Variants in LRRC4C observed in about 807,000 individuals in gnomAD.
The protein encoded by LRRC4C is leucine rich repeat containing 4C.
Under a neutral mutation model 33.6 loss-of-function variants are expected in LRRC4C, and 5 were observed. That is an observed-to-expected ratio of 0.15 (90% CI 0.08 to 0.31). LRRC4C has a LOEUF of 0.31. Ranked by LOEUF, LRRC4C falls within the 10% of genes least tolerant of loss-of-function variation. The pLI is 1.00. For missense variants in LRRC4C, 560 were observed against 796.7 expected (o/e 0.70, Z 3.58); for synonymous variants, 329 against 302.0 (o/e 1.09, Z -0.93).
chr11:40,984,178 G>C (rs1565270010), intron 1 of LRRC4C, among the ~76,000 whole-genome samples: 1 of 140,508 alleles, frequency 7.1e-6, no homozygotes, highest in African/African-American at 2.6e-5. Context: ...AAGAAAGGAA[G>C]GAAAGGAAGG....
At chr11:40,508,423 T>A (rs1427457250) in intron 3 of LRRC4C, among the ~76,000 whole-genome samples, 1 of 152,110 alleles carries the variant, frequency 6.6e-6, no homozygotes, top group Non-Finnish European at 1.5e-5. Context: ...GCATTTATAA[T>A]GTAGTACAGT....
chr11:40,275,606 T>C (rs1943046148), intron 4 of LRRC4C, among the ~76,000 whole-genome samples: 1 of 152,074 alleles, frequency 6.6e-6, no homozygotes, highest in Admixed American at 6.6e-5. Context: ...TAAAGAGACA[T>C]CATAGGAAAC....
At chr11:40,168,585 C>G (rs1859791812) in intron 5 of LRRC4C, among the ~76,000 whole-genome samples, 1 of 152,172 alleles carries the variant, frequency 6.6e-6, no homozygotes, top group Admixed American at 6.5e-5. Flanking sequence ...GGCTCCCTGC[C>G]TTTATCTCAG....
At chr11:40,278,267 T>TGG (rs1943248095) in intron 4 of LRRC4C, among the ~76,000 whole-genome samples, 1 of 152,142 alleles carries the variant, frequency 6.6e-6, no homozygotes, top group South Asian at 2.1e-4. Flanking sequence ...ATGTGTCACC[T>TGG]GGCCCAGATC....
At chr11:41,363,211 C>T (rs1465456864) in intron 1 of LRRC4C, among the ~76,000 whole-genome samples, 2 of 152,190 alleles carry the variant, frequency 1.3e-5, no homozygotes, top group African/African-American at 2.4e-5. Flanking sequence ...CTCTCATTGC[C>T]TCAGAGGGGC....
At chr11:40,298,772 G>A (rs1343742680) in intron 4 of LRRC4C, among the ~76,000 whole-genome samples, 1 of 152,098 alleles carries the variant, frequency 6.6e-6, no homozygotes, top group Admixed American at 6.6e-5. Flanking sequence ...TACAATTATG[G>A]CAGAAGGGGA....
intron 2 of LRRC4C, among the ~76,000 whole-genome samples, chr11:40,673,403 C>T (rs1000212988): frequency 1.3e-5 from 2 of 152,074 alleles, no homozygotes; most frequent in Non-Finnish European, 2.9e-5. Context: ...CACCTAATAT[C>T]GGTATCTTAT....
chr11:40,528,929 A>G (rs1208042631), intron 3 of LRRC4C, among the ~76,000 whole-genome samples: 1 of 152,186 alleles, frequency 6.6e-6, no homozygotes, highest in Non-Finnish European at 1.5e-5. Context: ...TGAGGTTTCT[A>G]AAATAGTCAA....
At chr11:41,108,350 G>A (rs1031522899) in intron 1 of LRRC4C, among the ~76,000 whole-genome samples, 1 of 151,964 alleles carries the variant, frequency 6.6e-6, no homozygotes, top group African/African-American at 2.4e-5. Context: ...GCCTTACCAC[G>A]ATTTGTGCTT....
intron 1 of LRRC4C, among the ~76,000 whole-genome samples, chr11:41,346,264 C>G (rs886414893): frequency 6.6e-6 from 1 of 152,152 alleles, no homozygotes; most frequent in Non-Finnish European, 1.5e-5. Flanking sequence ...AACTGCTCAC[C>G]CTTTGGATGA....
chr11:40,866,075 G>A (rs1954351963), intron 2 of LRRC4C, among the ~76,000 whole-genome samples: 1 of 150,412 alleles, frequency 6.6e-6, no homozygotes, highest in South Asian at 2.1e-4. Flanking sequence ...TGCCAATTGG[G>A]TCAGAAGTAT....
intron 3 of LRRC4C, among the ~76,000 whole-genome samples, chr11:40,465,989 T>C (rs572758744): frequency 6.6e-6 from 1 of 152,054 alleles, no homozygotes; most frequent in Non-Finnish European, 1.5e-5. Flanking sequence ...TCAGCACTAT[T>C]CACAAGAGCA....
At chr11:40,754,466 C>T (rs1948844392) in intron 2 of LRRC4C, among the ~76,000 whole-genome samples, 1 of 152,048 alleles carries the variant, frequency 6.6e-6, no homozygotes, top group Non-Finnish European at 1.5e-5. Context: ...AGCTGGGGCT[C>T]ACAGTTCTCC....
At chr11:40,668,095 G>A (rs1165183086) in intron 2 of LRRC4C, among the ~76,000 whole-genome samples, 3 of 152,162 alleles carry the variant, frequency 2.0e-5, no homozygotes, top group Admixed American at 6.5e-5. Context: ...TTGGAGAGAT[G>A]AGGTTGACAT....
chr11:40,194,305 C>T (rs1035853163), intron 5 of LRRC4C, among the ~76,000 whole-genome samples: 2 of 152,170 alleles, frequency 1.3e-5, no homozygotes, highest in Non-Finnish European at 2.9e-5. Flanking sequence ...CAATATTCAA[C>T]ATTCTTAAAA....
chr11:41,070,953 G>T (rs570908229), intron 1 of LRRC4C, among the ~76,000 whole-genome samples: 4 of 152,016 alleles, frequency 2.6e-5, no homozygotes, highest in Non-Finnish European at 5.9e-5. Context: ...ACATGCACAC[G>T]TATGCTTATT....
intron 3 of LRRC4C, among the ~76,000 whole-genome samples, chr11:40,404,807 T>C (rs1055296221): frequency 6.6e-6 from 1 of 152,056 alleles, no homozygotes; most frequent in African/African-American, 2.4e-5. Flanking sequence ...TACTCTCCCA[T>C]TTGCCTTTAA....
chr11:41,403,688 T>C (rs1400184000), intron 1 of LRRC4C, among the ~76,000 whole-genome samples: 1 of 152,116 alleles, frequency 6.6e-6, no homozygotes, highest in Non-Finnish European at 1.5e-5. Flanking sequence ...CAGGACATAT[T>C]ATTGTATTTC....
intron 3 of LRRC4C, among the ~76,000 whole-genome samples, chr11:40,437,070 G>A (rs1951172701): frequency 6.6e-6 from 1 of 152,110 alleles, no homozygotes; most frequent in South Asian, 2.1e-4. Context: ...TTTTTTGTGG[G>A]CTTTAACTTT....
Sources: allele counts gnomAD v4.1 joint callset (sites outside exome capture counted in the v4.1 genomes callset), GRCh38; gene constraint gnomAD v4.1.1; transcripts MANE v1.5; gene names NCBI Gene and HGNC (gene_info 2026-07-23, HGNC 2026-07-21).